Variants in FLRT2 observed in about 807,000 individuals in gnomAD.
FLRT2 encodes leucine-rich repeat transmembrane protein FLRT2.
Under a neutral mutation model 40.0 loss-of-function variants are expected in FLRT2, and 15 were observed. The observed-to-expected ratio is 0.38, with a 90% CI of 0.25 to 0.58. The LOEUF (loss-of-function observed/expected upper bound fraction) is 0.58. Ranked by LOEUF, FLRT2 falls within the 20% of genes least tolerant of loss-of-function variation. The probability of loss-of-function intolerance (pLI) is 0.71; values close to 1 mark genes in which losing one functional copy is unlikely to be tolerated. For synonymous variants in FLRT2, 380 were observed against 336.8 expected, an observed-to-expected ratio of 1.13 and a Z score of -1.41; for missense variants, 726 against 840.0, an observed-to-expected ratio of 0.86 and a Z score of 1.68.
At chr14:85,608,776 G>C (rs1315196631) in intron 1 of FLRT2, among the ~76,000 whole-genome samples, 1 of 152,144 alleles carries the variant, frequency 6.6e-6, no homozygotes, top group East Asian at 1.9e-4. Flanking sequence ...AGGTCTGCTC[G>C]TCATGTGAAG....
intron 1 of FLRT2, among the ~76,000 whole-genome samples, chr14:85,585,707 T>A (rs1412373674): frequency 1.3e-5 from 2 of 152,064 alleles, no homozygotes; most frequent in African/African-American, 4.8e-5. Context: ...TGAAGATGGG[T>A]GAACCTTGTT....
chr14:85,622,537 T>C lies in FLRT2; in HGVS notation c.1023T>C (p.Gly341=), dbSNP rs1453707579. The C allele has an allele frequency of 3.7e-6, 6 of 1,613,856 alleles. No homozygotes were observed. The South Asian group carries it at 5.5e-5, about 15-fold the overall frequency. ...ACGTGCGGGGTTTCATGTGCCAAGG[T>C]CCTGAACAAGTCCGGGGGATGGCCG... ...SLNVRGFMCQ[G]PEQVRGMAVR... The change falls in exon 2 of 2, where the codon GGT becomes GGC. Residue 341 remains glycine (G), a synonymous_variant. Transcript: ENST00000330753.
rs941557468 is a variant in FLRT2 at position 85,642,610 on chromosome 14, T to G, written c.*19113T>G. 4.6e-5 allele frequency: 7 copies of G among 152,148 alleles called. No individual in the cohort carries two copies. Among genetic ancestry groups the G allele is most frequent in the African/African-American group, 1.7e-4 (7 of 41,418 alleles). 9.4% of individuals were successfully genotyped at this position (152,148 alleles called of 1,614,324 possible). On this transcript the variant is annotated 3_prime_UTR_variant, in exon 2 of 2. Transcript: ENST00000330753. ...TTTATCAGGAGAAATCTGCGGACTA[T>G]GTATGGCAACAGACTCAAAGGGAGG...
rs1329252433 is a variant in FLRT2 at position 85,639,857 on chromosome 14, T to TTTC, written c.*16362_*16363insCTT. ...CTTTATTTTTTTTTTTTTCCTTTTT[T>TTTC]TTTTTTTTTGAGACAGTGTCTCGCT... On this transcript the variant is annotated 3_prime_UTR_variant, in exon 2 of 2. Transcript: ENST00000330753. 1.4e-5 allele frequency: 2 copies of TTTC among 144,696 alleles called. No individual in the cohort carries two copies. The highest frequency in any genetic ancestry group is 5.1e-5 in the African/African-American group (2 of 38,872). 9.0% of individuals were successfully genotyped at this position (144,696 alleles called of 1,614,324 possible). A position where few individuals can be genotyped will look rare whatever the true frequency, so the allele number is the denominator to read the frequency against.
At chr14:85,535,892 G>GTTTTTTT (rs71454768) in intron 1 of FLRT2, among the ~76,000 whole-genome samples, 11 of 57,860 alleles carry the variant, frequency 1.9e-4, no homozygotes, top group Non-Finnish European at 2.4e-4. Context: ...AAGGAATGCT[G>GTTTTTTT]TTTTTTTTTT....
chr14:85,629,158 A>G lies in FLRT2; in HGVS notation c.*5661A>G, dbSNP rs1362791067. ...TTTCTAATGCATTCCAGTGTCTCAGAGCCTGCATAATCACTTTATACTACT... is the reference window on the plus strand; with the variant it reads ...TTTCTAATGCATTCCAGTGTCTCAGGGCCTGCATAATCACTTTATACTACT... On this transcript the variant is annotated 3_prime_UTR_variant, in exon 2 of 2. Coordinates refer to ENST00000330753, the MANE Select transcript of FLRT2 (RefSeq NM_013231.6). 6.6e-6 allele frequency: 1 copy of G among 152,204 alleles called. No individual in the cohort carries two copies. The highest frequency in any genetic ancestry group is 1.5e-5 in the Non-Finnish European group (1 of 68,030). The allele number at this position is 152,204 out of a possible 1,614,324, so 9.4% of individuals were successfully genotyped here.
chr14:85,537,508 T>C (rs1334186545), intron 1 of FLRT2, among the ~76,000 whole-genome samples: 1 of 152,142 alleles, frequency 6.6e-6, no homozygotes, highest in Admixed American at 6.6e-5. Context: ...ATCTTTCTTC[T>C]AAAACTACAT....
chr14:85,615,419 A>G (rs550995562), intron 1 of FLRT2, among the ~76,000 whole-genome samples: 1 of 152,320 alleles, frequency 6.6e-6, no homozygotes, highest in African/African-American at 2.4e-5. Flanking sequence ...TTTCAATTTT[A>G]GACTGACTGG....
At chr14:85,599,281 T>A (rs1299649264) in intron 1 of FLRT2, among the ~76,000 whole-genome samples, 2 of 148,494 alleles carry the variant, frequency 1.3e-5, no homozygotes, top group Non-Finnish European at 3.0e-5. Flanking sequence ...ATCCTATGAA[T>A]CACTATTAAC....
intron 1 of FLRT2, among the ~76,000 whole-genome samples, chr14:85,600,020 G>C (rs1236121765): frequency 2.0e-5 from 3 of 152,200 alleles, no homozygotes; most frequent in Non-Finnish European, 4.4e-5. Flanking sequence ...ATGGTGTTTA[G>C]AGACTGGAGA....
At chr14:85,593,658 G>A (rs1019562663) in intron 1 of FLRT2, among the ~76,000 whole-genome samples, 1 of 152,028 alleles carries the variant, frequency 6.6e-6, no homozygotes, top group Admixed American at 6.6e-5. Flanking sequence ...GTTTCTTTTG[G>A]CTATTTAGCA....
In FLRT2 at chr14:85,589,559, G is replaced by A. The variant is rs185901019; in HGVS notation, c.-376-31580G>A. Among the ~76,000 whole-genome samples the A allele has an allele frequency of 2.1e-4, 32 of 152,210 alleles. 1 individual carries two copies. In the East Asian group the frequency reaches 6.0e-3, roughly 28 times the overall value. ...GTAAATATTTTCTCCCATTCTGTGG[G>A]TATGTCTCTTCACCTTGTGGATTGT... On this transcript the variant is annotated intron_variant, in intron 1 of 1. Transcript: ENST00000330753.
rs1454566867 is a variant in FLRT2, at chr14:85,638,735, A to T, written c.*15238A>T. On this transcript the variant is annotated 3_prime_UTR_variant, in exon 2 of 2. Coordinates refer to ENST00000330753, the MANE Select transcript of FLRT2 (RefSeq NM_013231.6). ...AGTAACATTAATTTGTGTTATAACC[A>T]CTGAATGTTCTAATTCCATGAATTT... The T allele has an allele frequency of 6.6e-6, 1 of 152,202 alleles. No homozygotes were observed. Among genetic ancestry groups the T allele is most frequent in the Non-Finnish European group, 1.5e-5 (1 of 68,042 alleles). The allele number at this position is 152,202 out of a possible 1,614,324, so 9.4% of individuals were successfully genotyped here. A position where few individuals can be genotyped will look rare whatever the true frequency, so the allele number is the denominator to read the frequency against.
Position 85,623,392 on chromosome 14 carries a change from C to A in FLRT2, c.1878C>A (p.Pro626=). Residue 626 remains proline, a synonymous_variant, in exon 2 of 2, where the codon CCC becomes CCA. Transcript: ENST00000330753. ...QLLKGDFRLQ[P]IYTPNGGINY... is the part of the protein sequence containing the mutation. ...TTAAAGGAGATTTCAGACTGCAGCC[C>A]ATTTACACCCCAAATGGGGGCATTA... The A allele has an allele frequency of 6.6e-6, 10 of 1,514,996 alleles. No homozygotes were observed. The highest frequency in any genetic ancestry group is 8.8e-6 in the Non-Finnish European group (10 of 1,134,570). 93.8% of individuals were successfully genotyped at this position (1,514,996 alleles called of 1,614,324 possible). A position where few individuals can be genotyped will look rare whatever the true frequency, so the allele number is the denominator to read the frequency against.
rs1893978656 is a variant in FLRT2 at position 85,635,500 on chromosome 14, G to GTA, written c.*12006_*12007dup. On this transcript the variant is annotated 3_prime_UTR_variant, in exon 2 of 2. Transcript: ENST00000330753. Reference sequence around the variant, plus strand: ...GATAGAGTGTCGTACAATAAAAATTGTATAAAAAATTGTTTATTAAAATAT... The same window carrying GTA: ...GATAGAGTGTCGTACAATAAAAATTGTATATAAAAAATTGTTTATTAAAATAT... The GTA allele has an allele frequency of 6.6e-6, 1 of 151,778 alleles. No individual in the cohort carries two copies. The highest frequency in any genetic ancestry group is 2.1e-4 in the South Asian group (1 of 4,818). 9.4% of individuals were successfully genotyped at this position (151,778 alleles called of 1,614,324 possible). A position where few individuals can be genotyped will look rare whatever the true frequency, so the allele number is the denominator to read the frequency against.
intron 1 of FLRT2, chr14:85,559,245 T>A (rs1004786990): frequency 6.6e-6 from 1 of 152,302 alleles, no homozygotes; most frequent in African/African-American, 2.4e-5. Flanking sequence ...GCAGAGATGC[T>A]ATGATGGGGG....
chr14:85,629,373 A>G lies in FLRT2; in HGVS notation c.*5876A>G, dbSNP rs914090977. ...CCACCAAGTATTTGAAAACTTAGAA[A>G]TTGTATTTCGTAATTACACATGCAG... On this transcript the variant is annotated 3_prime_UTR_variant, in exon 2 of 2. Coordinates refer to ENST00000330753, the MANE Select transcript of FLRT2 (RefSeq NM_013231.6). 7 of 152,216 alleles carry G rather than the reference A, an allele frequency of 4.6e-5. No individual in the cohort carries two copies. The highest frequency in any genetic ancestry group is 1.7e-4 in the African/African-American group (7 of 41,456). 9.4% of individuals were successfully genotyped at this position (152,216 alleles called of 1,614,324 possible). A position where few individuals can be genotyped will look rare whatever the true frequency, so the allele number is the denominator to read the frequency against.
At position 85,545,312 on chromosome 14, in the gene FLRT2, T is replaced by A. The variant is rs907344016; in HGVS notation, c.-377+14778T>A. Among the ~76,000 whole-genome samples, 19 of 152,306 alleles carry A rather than the reference T, an allele frequency of 1.2e-4. 1 individual carries two copies. The East Asian group carries it at 3.7e-3, about 29-fold the overall frequency. On this transcript the variant is annotated intron_variant, in intron 1 of 1. Coordinates refer to ENST00000330753, the MANE Select transcript of FLRT2 (RefSeq NM_013231.6). ...TCTCATCTAAACCTTGTACAGTAGG[T>A]TCTGTTGATAAAAGTTGTGAATAGC...
chr14:85,548,885 A>G (rs1213766002), intron 1 of FLRT2, among the ~76,000 whole-genome samples: 1 of 152,168 alleles, frequency 6.6e-6, no homozygotes, highest in African/African-American at 2.4e-5. Context: ...TCCTGTGCCC[A>G]TAAAAACCAC....
Sources: allele counts gnomAD v4.1 joint callset (sites outside exome capture counted in the v4.1 genomes callset), GRCh38; gene constraint gnomAD v4.1.1; transcripts MANE v1.5; gene names NCBI Gene and HGNC (gene_info 2026-07-23, HGNC 2026-07-21).